The following VCAN variants were observed in gnomAD, a reference collection of about 807,000 sequenced individuals.
The protein encoded by VCAN is versican, also known as versican core protein.
In VCAN, 44 loss-of-function variants were observed where a neutral mutation model predicts 245.5. The ratio of observed to expected loss-of-function variants is 0.18; its 90% CI spans 0.14 to 0.23. The LOEUF is 0.23. VCAN is among the 10% of genes least tolerant of loss of function. VCAN has a pLI of 1.00. For missense variants in VCAN, 3,793 were observed against 4,057.9 expected (o/e 0.93, Z 1.77); for synonymous variants, 1,413 against 1,437.0 (o/e 0.98, Z 0.38).
In VCAN at chr5:83,540,636, A is replaced by G. The variant is rs757431702; in HGVS notation, c.7633A>G (p.Ile2545Val). ...NRKKPTENII[I>V]DLDKEDKDLI... Reference sequence around the variant, plus strand: ...AAAAAAACCCACTGAAAATATTATCATAGACCTGGACAAAGAGGACAAGGA... The same window carrying G: ...AAAAAAACCCACTGAAAATATTATCGTAGACCTGGACAAAGAGGACAAGGA... Residue 2545 changes from isoleucine to valine, a missense_variant, in exon 8 of 15, where the codon ATA (isoleucine) becomes GTA (valine). Physicochemically the swap from Ile to Val is conservative, Grantham distance 29 (BLOSUM62 3). Around this residue, in one of 5 missense-constraint regions of VCAN, gnomAD observed 3,182 missense variants for 3,250.3 expected, o/e 0.98. Transcript: ENST00000265077. 5.6e-6 allele frequency: 9 copies of G among 1,613,790 alleles called. No individual in the cohort carries two copies. The African/African-American group carries it at 8.0e-5, about 14-fold the overall frequency.
At chr5:83,558,926 C>T (rs1156339257) in intron 12 of VCAN, among the ~76,000 whole-genome samples, 1 of 152,096 alleles carries the variant, frequency 6.6e-6, no homozygotes, top group Non-Finnish European at 1.5e-5. Context: ...TAGCCTTACC[C>T]TTGTGATTTA....
intron 5 of VCAN, among the ~76,000 whole-genome samples, chr5:83,511,181 G>A (rs1468621535): frequency 1.3e-5 from 2 of 149,300 alleles, no homozygotes; most frequent in Admixed American, 1.3e-4. Context: ...TCGCTGTGTC[G>A]CCCAGGCTGG....
intron 7 of VCAN, among the ~76,000 whole-genome samples, chr5:83,527,173 A>G (rs1746334406): frequency 6.6e-6 from 1 of 152,194 alleles, no homozygotes; most frequent in South Asian, 2.1e-4. Context: ...AAGAGTATAT[A>G]ATTTAGATTT....
In VCAN at chr5:83,580,435, T is replaced by TC. The variant is rs748563588; in HGVS notation, c.*4dup. On this transcript the variant is annotated 3_prime_UTR_variant, in exon 15 of 15. Coordinates refer to ENST00000265077, the MANE Select transcript of VCAN (RefSeq NM_004385.5). ...GAGGTGGCAGGAGTCGAGGCGCTGA[T>TC]CCCTAAAATGGCGAACATGTGTTTT... 1.5e-5 allele frequency: 24 copies of TC among 1,613,776 alleles called. No homozygotes were observed. In the South Asian group the frequency reaches 2.5e-4, roughly 17 times the overall value.
In VCAN at chr5:83,553,522, C is replaced by T. The variant is rs866517061; in HGVS notation, c.9652C>T (p.Arg3218Cys). ...TCACGAAGAACAAATGTTTGTTAAT[C>T]GTATGTACCAAATAGATACGAGTTT... ...LSHEEQMFVN[R>C]VGHDYQWIGL... is the part of the protein sequence containing the mutation. The change falls in exon 11 of 15, where the codon CGT becomes TGT. Residue 3218 changes from arginine (R) to cysteine (C), a missense_variant and splice_region_variant. By Grantham distance (180) the Arg-to-Cys change is radical. Transcript: ENST00000265077. The T allele has an allele frequency of 1.7e-5, 27 of 1,613,952 alleles. No homozygotes were observed. Among genetic ancestry groups the T allele is most frequent in the Non-Finnish European group, 2.1e-5 (25 of 1,179,894 alleles).
chr5:83,488,184 C>A (rs190782426), intron 2 of VCAN, among the ~76,000 whole-genome samples: 1 of 152,090 alleles, frequency 6.6e-6, no homozygotes, highest in African/African-American at 2.4e-5. Flanking sequence ...TCATCATCTC[C>A]CTAATTAGGT....
At chr5:83,508,426 A>G (rs1432966031) in intron 5 of VCAN, among the ~76,000 whole-genome samples, 1 of 152,198 alleles carries the variant, frequency 6.6e-6, no homozygotes, top group African/African-American at 2.4e-5. Flanking sequence ...AAAGGACAGA[A>G]GTTTGGACAT....
intron 5 of VCAN, among the ~76,000 whole-genome samples, chr5:83,504,885 A>T (rs1203806788): frequency 2.6e-5 from 4 of 152,180 alleles, no homozygotes; most frequent in Non-Finnish European, 4.4e-5. Flanking sequence ...AGGCCTCAGA[A>T]TCGTGGCGGG....
intron 12 of VCAN, among the ~76,000 whole-genome samples, chr5:83,559,979 T>C (rs572849300): frequency 6.7e-6 from 1 of 148,250 alleles, no homozygotes; most frequent in East Asian, 2.0e-4. Flanking sequence ...CAAAACATAA[T>C]AGATGGGTTT....
At chr5:83,475,883 G>A (rs977248250) in intron 1 of VCAN, among the ~76,000 whole-genome samples, 2 of 152,130 alleles carry the variant, frequency 1.3e-5, no homozygotes, top group Non-Finnish European at 2.9e-5. Context: ...TAAAAACAGA[G>A]TTGGTTTTAA....
At chr5:83,475,089 C>G (rs1744338634) in intron 1 of VCAN, among the ~76,000 whole-genome samples, 1 of 152,116 alleles carries the variant, frequency 6.6e-6, no homozygotes, top group South Asian at 2.1e-4. Context: ...AAGAGTTCGC[C>G]TGGAATGGCA....
At chr5:83,555,964 A>G (rs929866889) in intron 12 of VCAN, among the ~76,000 whole-genome samples, 3 of 152,232 alleles carry the variant, frequency 2.0e-5, no homozygotes, top group Admixed American at 2.0e-4. Flanking sequence ...TTACTTAGGT[A>G]TTCAGTTTCA....
In VCAN at chr5:83,538,562, A is replaced by T; in HGVS notation, c.5559A>T (p.Ser1853=). The change falls in exon 8 of 15, where the codon TCA becomes TCT. Residue 1853 remains serine, a synonymous_variant. Coordinates refer to ENST00000265077, the MANE Select transcript of VCAN (RefSeq NM_004385.5). ...AAACCACCACTGTTTCTTCATTTTC[A>T]TTAAACGTAGAGTATGCAATTCAAG... The part of the protein sequence containing the change: ...DPETTTVSSF[S]LNVEYAIQAE... 1 of 1,614,052 alleles carries T rather than the reference A, an allele frequency of 6.2e-7. No homozygotes were observed. Among genetic ancestry groups the T allele is most frequent in the East Asian group, 2.2e-5 (1 of 44,860 alleles).
chr5:83,483,284 A>G (rs1031591681), intron 1 of VCAN, among the ~76,000 whole-genome samples: 2 of 152,210 alleles, frequency 1.3e-5, no homozygotes, highest in African/African-American at 4.8e-5. Context: ...TGATTTTGGT[A>G]ATGGCTGCAT....
Position 83,542,252 on chromosome 5 carries a change from G to A in VCAN, c.9249G>A (p.Thr3083=), listed in dbSNP as rs770091828. 94 of 1,612,894 alleles carry A rather than the reference G, an allele frequency of 5.8e-5. No individual in the cohort carries two copies. Among genetic ancestry groups the A allele is most frequent in the Middle Eastern group, 1.6e-4 (1 of 6,082 alleles). The change falls in exon 8 of 15, where the codon ACG becomes ACA. Residue 3083 remains threonine, a synonymous_variant. Transcript: ENST00000265077. ...IGINEESVEG[T]AIYLPGPDRC... ...TTAATGAAGAGTCAGTGGAAGGCAC[G>A]GCAATCTATTTACCAGGTAAGATCA... is the stretch of plus-strand genomic sequence containing the variant.
chr5:83,478,584 T>C (rs918198995), intron 1 of VCAN, among the ~76,000 whole-genome samples: 5 of 152,226 alleles, frequency 3.3e-5, no homozygotes, highest in African/African-American at 1.2e-4. Flanking sequence ...TAAAAGTTGC[T>C]GTATCCACCT....
At chr5:83,498,047 C>T (rs1745213989) in intron 5 of VCAN, among the ~76,000 whole-genome samples, 1 of 152,140 alleles carries the variant, frequency 6.6e-6, no homozygotes, top group Non-Finnish European at 1.5e-5. Context: ...GGCCTATCCT[C>T]TTATGGCCTG....
At chr5:83,514,199 G>T (rs1249472233) in intron 6 of VCAN, among the ~76,000 whole-genome samples, 1 of 151,966 alleles carries the variant, frequency 6.6e-6, no homozygotes, top group Non-Finnish European at 1.5e-5. Flanking sequence ...TCATTTACAT[G>T]TATGTAACTT....
In VCAN at chr5:83,541,781, T is replaced by G. The variant is rs1747005334; in HGVS notation, c.8778T>G (p.Thr2926=). The change falls in exon 8 of 15, where the codon ACT becomes ACG. Residue 2926 remains threonine (T), a synonymous_variant. Transcript: ENST00000265077. ...SPTELIAVEG[T]EILQDFQNKT... is the part of the protein sequence containing the mutation. The stretch of plus-strand genomic sequence containing the variant: ...CAGAACTTATTGCTGTGGAAGGAAC[T>G]GAGATTCTCCAAGATTTCCAAAACA... 1 of 1,614,058 alleles carries G rather than the reference T, an allele frequency of 6.2e-7. No individual in the cohort carries two copies. The highest frequency in any genetic ancestry group is 8.5e-7 in the Non-Finnish European group (1 of 1,179,994).
Sources: allele counts gnomAD v4.1 joint callset (sites outside exome capture counted in the v4.1 genomes callset), GRCh38; gene constraint gnomAD v4.1.1; regional missense constraint gnomAD v4.1.1; transcripts MANE v1.5; gene names NCBI Gene and HGNC (gene_info 2026-07-23, HGNC 2026-07-21).